Variants in ACVR2A observed in about 807,000 individuals in gnomAD.
ACVR2A encodes activin receptor type-2A.
Under a neutral mutation model 61.4 loss-of-function variants are expected in ACVR2A, and 7 were observed. The observed-to-expected ratio is 0.11, with a 90% CI of 0.06 to 0.21. The LOEUF is 0.21. Among genes scored for constraint, ACVR2A ranks in the 10% least tolerant of loss-of-function variants. The probability of loss-of-function intolerance (pLI) is 1.00; values close to 1 mark genes in which losing one functional copy is unlikely to be tolerated. For missense variants in ACVR2A, 322 were observed against 621.7 expected (o/e 0.52, Z 5.13); for synonymous variants, 193 against 208.3 (o/e 0.93, Z 0.63).
chr2:147,902,292 A>G (rs1686887899), intron 4 of ACVR2A, among the ~76,000 whole-genome samples: 1 of 151,958 alleles, frequency 6.6e-6, no homozygotes, highest in African/African-American at 2.4e-5. Flanking sequence ...ATGTAGTAAA[A>G]TCTCCATTTT....
intron 1 of ACVR2A, among the ~76,000 whole-genome samples, chr2:147,880,978 A>AATCT (rs776935985): frequency 4.6e-5 from 7 of 152,154 alleles, no homozygotes; most frequent in Non-Finnish European, 1.0e-4. Context: ...GTTTAATGGA[A>AATCT]ATCTATCCCT....
intron 1 of ACVR2A, among the ~76,000 whole-genome samples, chr2:147,857,749 A>G (rs889102568): frequency 6.6e-6 from 1 of 152,082 alleles, no homozygotes; most frequent in Non-Finnish European, 1.5e-5. Flanking sequence ...TATAGTACCT[A>G]CCTCAAAGAT....
chr2:147,919,471 C>T (rs1687328877), intron 7 of ACVR2A, among the ~76,000 whole-genome samples: 1 of 152,116 alleles, frequency 6.6e-6, no homozygotes, highest in African/African-American at 2.4e-5. Context: ...AAACTAAGAT[C>T]GATTAGCTTT....
In ACVR2A at chr2:147,897,289, T is replaced by A. The variant is rs1428628669; in HGVS notation, c.263+781T>A. Among the ~76,000 whole-genome samples the A allele has an allele frequency of 3.3e-5, 5 of 152,268 alleles. No homozygotes were observed. The East Asian group carries it at 9.7e-4, about 29-fold the overall frequency. ...TCCCAAAGTGCTAGGATTACAGATGTGAGCCACCATGCCTGGTCTACCCCA... is the reference window on the plus strand; with the variant it reads ...TCCCAAAGTGCTAGGATTACAGATGAGAGCCACCATGCCTGGTCTACCCCA... On this transcript the variant is annotated intron_variant, in intron 2 of 10. Coordinates refer to ENST00000241416, the MANE Select transcript of ACVR2A (RefSeq NM_001616.5).
chr2:147,891,763 T>C (rs1483597198), intron 1 of ACVR2A, among the ~76,000 whole-genome samples: 2 of 152,174 alleles, frequency 1.3e-5, no homozygotes, highest in Admixed American at 1.3e-4. Flanking sequence ...GCCTGAAATA[T>C]TTACTGTCTG....
At chr2:147,917,978 G>A (rs557518806) in intron 6 of ACVR2A, among the ~76,000 whole-genome samples, 2 of 151,922 alleles carry the variant, frequency 1.3e-5, no homozygotes, top group Non-Finnish European at 2.9e-5. Context: ...ATTGTGAAAT[G>A]TAAGTGGTTC....
intron 1 of ACVR2A, among the ~76,000 whole-genome samples, chr2:147,879,298 C>G (rs1686237027): frequency 6.6e-6 from 1 of 152,126 alleles, no homozygotes; most frequent in Admixed American, 6.6e-5. Context: ...TGGTGTGGGT[C>G]TGTTTACTGT....
intron 4 of ACVR2A, among the ~76,000 whole-genome samples, chr2:147,904,563 A>T (rs909312800): frequency 1.3e-5 from 2 of 151,970 alleles, no homozygotes; most frequent in African/African-American, 4.8e-5. Context: ...TCTTTATGAT[A>T]GTTTGTCTAG....
intron 1 of ACVR2A, among the ~76,000 whole-genome samples, chr2:147,879,300 G>A (rs952468399): frequency 6.6e-6 from 1 of 152,112 alleles, no homozygotes; most frequent in African/African-American, 2.4e-5. Flanking sequence ...GTGTGGGTCT[G>A]TTTACTGTGT....
chr2:147,880,873 T>A (rs1312088983), intron 1 of ACVR2A, among the ~76,000 whole-genome samples: 1 of 152,150 alleles, frequency 6.6e-6, no homozygotes, highest in Non-Finnish European at 1.5e-5. Context: ...CCAGAATAGA[T>A]TTCAAAGTGT....
intron 1 of ACVR2A, among the ~76,000 whole-genome samples, chr2:147,876,268 T>C (rs1010898199): frequency 2.6e-5 from 4 of 152,132 alleles, no homozygotes; most frequent in Non-Finnish European, 5.9e-5. Flanking sequence ...TTTTTTGGCT[T>C]CCATGACTTC....
chr2:147,926,197 A>G, intron 10 of ACVR2A, 36 bp downstream of exon 10: 2 of 1,589,130 alleles, frequency 1.3e-6, no homozygotes, highest in East Asian at 4.5e-5. Flanking sequence ...TTGAAATTCC[A>G]ATAAAACACT....
intron 1 of ACVR2A, among the ~76,000 whole-genome samples, chr2:147,895,569 G>T (rs1268516612): frequency 1.3e-5 from 2 of 152,162 alleles, no homozygotes; most frequent in African/African-American, 2.4e-5. Flanking sequence ...ACAAGAAAAA[G>T]TGGAATTGTT....
At chr2:147,918,634 T>C in intron 7 of ACVR2A, 42 bp downstream of exon 7, 1 of 1,542,304 alleles carries the variant, frequency 6.5e-7, no homozygotes, top group Non-Finnish European at 8.7e-7. Context: ...ATTGAGTATA[T>C]ATTTACTAAA....
At chr2:147,867,640 A>G (rs1443371785) in intron 1 of ACVR2A, among the ~76,000 whole-genome samples, 2 of 152,098 alleles carry the variant, frequency 1.3e-5, no homozygotes, top group African/African-American at 4.8e-5. Flanking sequence ...CTTCCCTTCC[A>G]CACTCTTTGC....
chr2:147,866,494 C>G (rs1685859374), intron 1 of ACVR2A, among the ~76,000 whole-genome samples: 1 of 152,032 alleles, frequency 6.6e-6, no homozygotes. Context: ...CCAAGAATGG[C>G]CAAATGCAGA....
Position 147,893,758 on chromosome 2 carries a change from G to A in ACVR2A, c.56-2543G>A, listed in dbSNP as rs190967221. Among the ~76,000 whole-genome samples the A allele has an allele frequency of 3.3e-4, 50 of 152,210 alleles. No homozygotes were observed. In the East Asian group the frequency reaches 7.9e-3, roughly 24 times the overall value. The stretch of plus-strand genomic sequence containing the variant: ...TCCTATGATTGACTTGTAAGAGGCC[G>A]TTATATTTTCTGAGCATCAGTCCTT... On this transcript the variant is annotated intron_variant, in intron 1 of 10. Coordinates refer to ENST00000241416, the MANE Select transcript of ACVR2A (RefSeq NM_001616.5).
intron 1 of ACVR2A, among the ~76,000 whole-genome samples, chr2:147,895,786 A>C (rs1320117769): frequency 6.6e-6 from 1 of 152,172 alleles, no homozygotes; most frequent in African/African-American, 2.4e-5. Flanking sequence ...CATAGAAAAT[A>C]TGTGTTAATC....
chr2:147,904,221 C>T (rs904449078), intron 4 of ACVR2A, among the ~76,000 whole-genome samples: 5 of 151,838 alleles, frequency 3.3e-5, no homozygotes, highest in African/African-American at 9.7e-5. Context: ...TTGAGTAAAC[C>T]GAATGCAAAC....
Sources: allele counts gnomAD v4.1 joint callset (sites outside exome capture counted in the v4.1 genomes callset), GRCh38; gene constraint gnomAD v4.1.1; transcripts MANE v1.5; gene names NCBI Gene and HGNC (gene_info 2026-07-23, HGNC 2026-07-21).